Variants in GRIK1 observed in about 807,000 individuals in gnomAD.
GRIK1 encodes glutamate receptor ionotropic, kainate 1.
GRIK1 carries 69 observed loss-of-function variants against 105.7 expected under a neutral mutation model. The ratio of observed to expected loss-of-function variants is 0.65; its 90% confidence interval spans 0.54 to 0.80. GRIK1 has a LOEUF of 0.80. Ranked by LOEUF, GRIK1 falls within the 30% of genes least tolerant of loss-of-function variation. The pLI is 0.00. For missense variants in GRIK1, 1,109 were observed against 1,167.3 expected, an observed-to-expected ratio of 0.95 and a Z score of 0.73; for synonymous variants, 438 against 431.3, an observed-to-expected ratio of 1.02 and a Z score of -0.19.
chr21:29,676,510 C>T lies in GRIK1; in HGVS notation c.545-3346G>A, dbSNP rs184659468. Reference sequence around the variant, plus strand: ...GTAATGAGTAGTTAAAAGTCGTTTGCTAAACATATAATTGCTTCAGAAAAA... The same window carrying T: ...GTAATGAGTAGTTAAAAGTCGTTTGTTAAACATATAATTGCTTCAGAAAAA... On this transcript the variant is annotated intron_variant, in intron 3 of 17. Transcript: ENST00000327783. 1.8e-3 allele frequency among the ~76,000 whole-genome samples: 271 copies of T among 152,262 alleles called. 1 individual carries two copies. The highest frequency in any genetic ancestry group is 6.4e-3 in the African/African-American group (265 of 41,554).
intron 15 of GRIK1, among the ~76,000 whole-genome samples, chr21:29,558,338 C>T (rs550167486): frequency 0.022 from 3,300 of 149,052 alleles, 110 homozygotes; most frequent in African/African-American, 0.078. Context: ...GTTATTATGT[C>T]ACTTGAAATA....
intron 16 of GRIK1, among the ~76,000 whole-genome samples, chr21:29,549,332 G>A (rs541969356): frequency 1.3e-5 from 2 of 152,002 alleles, no homozygotes; most frequent in South Asian, 2.1e-4. Context: ...TGCAACTACC[G>A]TTAGGATTGT....
intron 1 of GRIK1, among the ~76,000 whole-genome samples, chr21:29,743,359 A>G (rs1020550601): frequency 2.0e-5 from 3 of 152,182 alleles, no homozygotes; most frequent in Non-Finnish European, 4.4e-5. Context: ...AAGAGGGTGG[A>G]CAGACATGGG....
chr21:29,856,073 A>G (rs2068454316), intron 1 of GRIK1, among the ~76,000 whole-genome samples: 1 of 152,192 alleles, frequency 6.6e-6, no homozygotes, highest in Non-Finnish European at 1.5e-5. Context: ...GTCCTTGAAT[A>G]TATGTCTAGA....
chr21:29,836,502 T>C (rs187443758), intron 1 of GRIK1, among the ~76,000 whole-genome samples: 75 of 152,322 alleles, frequency 4.9e-4, no homozygotes, highest in Middle Eastern at 3.4e-3. Context: ...AGGATAATTA[T>C]AGTAAAACAT....
chr21:29,809,530 A>C (rs527495272), intron 1 of GRIK1, among the ~76,000 whole-genome samples: 1 of 152,276 alleles, frequency 6.6e-6, no homozygotes, highest in South Asian at 2.1e-4. Flanking sequence ...TTGGCTTAAG[A>C]GGCTCTTGCG....
intron 3 of GRIK1, among the ~76,000 whole-genome samples, chr21:29,673,698 CA>C: frequency 6.6e-6 from 1 of 152,224 alleles, no homozygotes; most frequent in African/African-American, 2.4e-5. Flanking sequence ...GTAAATGGCT[CA>C]TGCTCATTAC....
intron 1 of GRIK1, among the ~76,000 whole-genome samples, chr21:29,876,228 A>C (rs992391114): frequency 1.4e-4 from 22 of 151,896 alleles, no homozygotes; most frequent in African/African-American, 5.1e-4. Context: ...AATATTGTTA[A>C]TAATACCTAC....
intron 5 of GRIK1, among the ~76,000 whole-genome samples, chr21:29,653,393 G>T (rs1048576145): frequency 6.6e-6 from 1 of 152,194 alleles, no homozygotes; most frequent in Non-Finnish European, 1.5e-5. Context: ...TCTAAAATCC[G>T]ATTTGCTACA....
chr21:29,796,904 A>C (rs1366592282), intron 1 of GRIK1, among the ~76,000 whole-genome samples: 1 of 152,028 alleles, frequency 6.6e-6, no homozygotes, highest in Non-Finnish European at 1.5e-5. Context: ...AGCTGAGATC[A>C]CACCACTGCC....
At chr21:29,645,802 C>T (rs2062606506) in intron 6 of GRIK1, among the ~76,000 whole-genome samples, 1 of 152,192 alleles carries the variant, frequency 6.6e-6, no homozygotes, top group East Asian at 1.9e-4. Context: ...TTTCTGTTCA[C>T]ATTTTATGTA....
intron 1 of GRIK1, among the ~76,000 whole-genome samples, chr21:29,799,572 C>G (rs2066648440): frequency 6.6e-6 from 1 of 152,196 alleles, no homozygotes; most frequent in Non-Finnish European, 1.5e-5. Flanking sequence ...CTCTGTCGCC[C>G]AGGCTGGAGT....
intron 1 of GRIK1, among the ~76,000 whole-genome samples, chr21:29,790,952 G>C (rs2066396702): frequency 1.3e-5 from 2 of 152,182 alleles, no homozygotes. Context: ...AAAGTAAACA[G>C]GGTAATAGAA....
chr21:29,854,583 A>AT (rs1340455073), intron 1 of GRIK1, among the ~76,000 whole-genome samples: 1 of 152,194 alleles, frequency 6.6e-6, no homozygotes, highest in Non-Finnish European at 1.5e-5. Flanking sequence ...TTCCCAGAGA[A>AT]TGGAGGCACA....
At chr21:29,890,388 T>G (rs1334675903) in intron 1 of GRIK1, among the ~76,000 whole-genome samples, 1 of 152,160 alleles carries the variant, frequency 6.6e-6, no homozygotes, top group African/African-American at 2.4e-5. Context: ...GCTTTAGTTT[T>G]GCTTTCTGCT....
At chr21:29,807,988 G>A (rs1212158265) in intron 1 of GRIK1, among the ~76,000 whole-genome samples, 4 of 152,052 alleles carry the variant, frequency 2.6e-5, no homozygotes, top group African/African-American at 7.2e-5. Flanking sequence ...TTACAAAGAG[G>A]ACATGTTAAA....
chr21:29,678,020 G>A (rs138396363), intron 3 of GRIK1, among the ~76,000 whole-genome samples: 71 of 152,290 alleles, frequency 4.7e-4, no homozygotes, highest in African/African-American at 1.6e-3. Context: ...GTTTTCTTGA[G>A]TCTTAATCCA....
At chr21:29,777,954 A>C (rs1418443958) in intron 1 of GRIK1, among the ~76,000 whole-genome samples, 1 of 152,192 alleles carries the variant, frequency 6.6e-6, no homozygotes, top group African/African-American at 2.4e-5. Flanking sequence ...ACGCAACACA[A>C]AGAATTTGGG....
chr21:29,604,847 G>A (rs1272273259), intron 7 of GRIK1, among the ~76,000 whole-genome samples: 3 of 151,956 alleles, frequency 2.0e-5, no homozygotes, highest in Non-Finnish European at 4.4e-5. Context: ...GAATCAAGAG[G>A]TAAAAGAAGA....
Sources: allele counts gnomAD v4.1 joint callset (sites outside exome capture counted in the v4.1 genomes callset), GRCh38; gene constraint gnomAD v4.1.1; transcripts MANE v1.5; gene names NCBI Gene and HGNC (gene_info 2026-07-23, HGNC 2026-07-21).